Variants in PDPK1 observed in about 807,000 individuals in gnomAD.
PDPK1 encodes the protein 3-phosphoinositide dependent protein kinase 1.
Under a neutral mutation model 39.8 loss-of-function variants are expected in PDPK1, and 7 were observed. The ratio of observed to expected loss-of-function variants is 0.18; its 90% CI spans 0.10 to 0.33. The LOEUF is 0.33. Among genes scored for constraint, PDPK1 ranks in the 10% least tolerant of loss-of-function variants. The pLI is 1.00. For synonymous variants in PDPK1, 118 were observed against 159.1 expected, an observed-to-expected ratio of 0.74 and a Z score of 1.95; for missense variants, 182 against 384.7, an observed-to-expected ratio of 0.47 and a Z score of 4.41.
rs752547402 is a variant in PDPK1, at chr16:2,597,656, C to T, written c.1560C>T (p.Asn520=). Residue 520 remains asparagine (N), a synonymous_variant, in exon 14 of 14, where the codon AAC becomes AAT. Transcript: ENST00000342085. The surrounding 1 kb of genome is among the most constrained non-coding windows in gnomAD (Gnocchi z 6.3). The stretch of plus-strand genomic sequence containing the variant: ...AACGGCTTCTGTCTTCGCAGCCTAA[C>T]AGGACGTATTATCTGATGGACCCCA... The part of the protein sequence containing the change: ...NFKTFFVHTP[N]RTYYLMDPSG... The T allele has an allele frequency of 6.2e-7, 1 of 1,610,866 alleles. No individual in the cohort carries two copies. The highest frequency in any genetic ancestry group is 8.5e-7 in the Non-Finnish European group (1 of 1,177,150).
Position 2,599,116 on chromosome 16 carries a change from T to A in PDPK1, c.*1349T>A, listed in dbSNP as rs984736269. On this transcript the variant is annotated 3_prime_UTR_variant, in exon 14 of 14. Coordinates refer to ENST00000342085, the MANE Select transcript of PDPK1 (RefSeq NM_002613.5). ...AGCACAGACAGGCCAGATGCATTTG[T>A]CCTTTGCCTAGCTACTCCCCAGGTA... is the stretch of plus-strand genomic sequence containing the variant. 2 of 233,328 alleles carry A rather than the reference T, an allele frequency of 8.6e-6. No homozygotes were observed. The highest frequency in any genetic ancestry group is 4.4e-5 in the African/African-American group (2 of 45,360). 14.5% of individuals were successfully genotyped at this position (233,328 alleles called of 1,614,324 possible).
intron 11 of PDPK1, among the ~76,000 whole-genome samples, chr16:2,590,576 G>A (rs369211698): frequency 2.0e-5 from 3 of 152,344 alleles, no homozygotes; most frequent in Middle Eastern, 3.4e-3. Context: ...CTCGCGGAGC[G>A]TCTGGCTGAC....
rs1597016369 is a variant in PDPK1, at chr16:2,543,540, G to C, written c.24+5404G>C. Among the ~76,000 whole-genome samples the C allele has an allele frequency of 2.2e-5, 3 of 139,264 alleles. No individual in the cohort carries two copies. The South Asian group carries it at 7.6e-4, about 35-fold the overall frequency. The allele number at this position is 139,264 out of a possible 152,430, so 91.4% of individuals were successfully genotyped here. ...CTCTGTGAGGGGCCCAGGCTCGGAT[G>C]CCCGGCCACGGCCTCTCTTTCCAGC... On this transcript the variant is annotated intron_variant, in intron 1 of 13. Transcript: ENST00000342085.
chr16:2,590,048 C>T (rs2066956457), intron 11 of PDPK1, among the ~76,000 whole-genome samples: 1 of 152,204 alleles, frequency 6.6e-6, no homozygotes, highest in African/African-American at 2.4e-5. Flanking sequence ...TGTGCTTTTG[C>T]CTCACAGTGG....
chr16:2,538,344 C>A, intron 1 of PDPK1: 1 of 395,614 alleles, frequency 2.5e-6, no homozygotes, highest in Non-Finnish European at 4.6e-6. Flanking sequence ...TTGCGGCGGG[C>A]GGCGGCCTGG....
Position 2,600,102 on chromosome 16 carries a change from G to A in PDPK1, c.*2335G>A, listed in dbSNP as rs1207613358. 4.3e-6 allele frequency: 1 copy of A among 233,122 alleles called. No individual in the cohort carries two copies. The highest frequency in any genetic ancestry group is 8.5e-6 in the Non-Finnish European group (1 of 118,082). The allele number at this position is 233,122 out of a possible 1,614,324, so 14.4% of individuals were successfully genotyped here. A position where few individuals can be genotyped will look rare whatever the true frequency, so the allele number is the denominator to read the frequency against. On this transcript the variant is annotated 3_prime_UTR_variant, in exon 14 of 14. Transcript: ENST00000342085. ...CCCGTGTGTTTTCTTTCCTTACCCT[G>A]TGCTTGCTCATGTCTACTCCGGTTT...
chr16:2,586,056 C>T (rs1227286182), intron 10 of PDPK1, among the ~76,000 whole-genome samples: 2 of 152,274 alleles, frequency 1.3e-5, no homozygotes, highest in Non-Finnish European at 2.9e-5. Flanking sequence ...CCGCTTGGCA[C>T]GTTTATGAGT....
At chr16:2,543,944 A>G (rs550987120) in intron 1 of PDPK1, among the ~76,000 whole-genome samples, 1 of 139,986 alleles carries the variant, frequency 7.1e-6, no homozygotes, top group East Asian at 2.1e-4. Context: ...CATGTTGGCC[A>G]GGCTGGTCTC....
intron 1 of PDPK1, among the ~76,000 whole-genome samples, chr16:2,550,350 C>T (rs1161387975): frequency 2.1e-5 from 2 of 93,502 alleles, no homozygotes; most frequent in Non-Finnish European, 4.1e-5. Context: ...ACGTGCCCAC[C>T]ACCCTACTTG....
At chr16:2,540,251 G>T (rs1456705586) in intron 1 of PDPK1, among the ~76,000 whole-genome samples, 3 of 152,024 alleles carry the variant, frequency 2.0e-5, no homozygotes. Flanking sequence ...CAGCCAACAG[G>T]GGGAGCAGTG....
At chr16:2,596,502 C>T (rs889074324) in intron 12 of PDPK1, among the ~76,000 whole-genome samples, 1 of 152,168 alleles carries the variant, frequency 6.6e-6, no homozygotes, top group African/African-American at 2.4e-5. Flanking sequence ...CCGGGTTGTT[C>T]TTTATTTTAT....
rs773125562 is a variant in PDPK1 at position 2,586,912 on chromosome 16, A to G, written c.1343+19A>G. Reference sequence around the variant, plus strand: ...ACCCTTGGTAAGAACTTATGGACATAAGCAATGCTTTTTGCAGAATTGCAG... The same window carrying G: ...ACCCTTGGTAAGAACTTATGGACATGAGCAATGCTTTTTGCAGAATTGCAG... On this transcript the variant is annotated intron_variant, in intron 11 of 13. Transcript: ENST00000342085. 5.6e-6 allele frequency: 9 copies of G among 1,608,384 alleles called. No individual in the cohort carries two copies. The highest frequency in any genetic ancestry group is 1.7e-4 in the Middle Eastern group (1 of 6,052).
rs1228990098 is a variant in PDPK1 at position 2,593,436 on chromosome 16, A to G, written c.1344-2357A>G. ...GTTTCGTCCTCTTTCCGTGGCTCCC[A>G]CAGCTCAGTGCTGGGCTGCTGTTCT... On this transcript the variant is annotated intron_variant, in intron 11 of 13. Transcript: ENST00000342085. The surrounding 1 kb of genome is among the most constrained non-coding windows in gnomAD (Gnocchi z 4.2). 1 of 318,486 alleles carries G rather than the reference A, an allele frequency of 3.1e-6. No individual in the cohort carries two copies. Among genetic ancestry groups the G allele is most frequent in the Non-Finnish European group, 6.0e-6 (1 of 165,528 alleles). The allele number at this position is 318,486 out of a possible 1,614,324, so 19.7% of individuals were successfully genotyped here.
At chr16:2,594,690 G>T (rs1414418028) in intron 11 of PDPK1, 1 of 151,804 alleles carries the variant, frequency 6.6e-6, no homozygotes, top group African/African-American at 2.4e-5. Flanking sequence ...CATTAAAATA[G>T]TATCTTGGGG....
intron 1 of PDPK1, among the ~76,000 whole-genome samples, chr16:2,544,209 G>A (rs1946683118): frequency 6.6e-6 from 1 of 152,184 alleles, no homozygotes; most frequent in African/African-American, 2.4e-5. Flanking sequence ...CTGATAGGTG[G>A]TTACAAAGTG....
At chr16:2,591,138 T>C (rs28507980) in intron 11 of PDPK1, among the ~76,000 whole-genome samples, 2,986 of 152,076 alleles carry the variant, frequency 0.02, 99 homozygotes, top group African/African-American at 0.068. Context: ...GAGTTTTGTG[T>C]TTATAGTAGA....
chr16:2,592,298 GT>G (rs1021066663), intron 11 of PDPK1, among the ~76,000 whole-genome samples: 1 of 152,220 alleles, frequency 6.6e-6, no homozygotes, highest in Non-Finnish European at 1.5e-5. Context: ...GGTGTCGCCT[GT>G]TTTGAGGGAG....
rs1166504051 is a variant in PDPK1, at chr16:2,597,579, C to T, written c.1555-72C>T. The T allele has an allele frequency of 1.8e-6, 2 of 1,083,690 alleles. No homozygotes were observed. Among genetic ancestry groups the T allele is most frequent in the African/African-American group, 3.1e-5 (2 of 64,702 alleles). The allele number at this position is 1,083,690 out of a possible 1,614,324, so 67.1% of individuals were successfully genotyped here. On this transcript the variant is annotated intron_variant, in intron 13 of 13. Coordinates refer to ENST00000342085, the MANE Select transcript of PDPK1 (RefSeq NM_002613.5). This position sits in a 1 kb window ranked among gnomAD's most constrained non-coding sequence, Gnocchi z 6.3. Reference sequence around the variant, plus strand: ...AGGACTCGGAATGGCTGGTCGCAGGCAGCTCACCAGGTTGGGGTGGGGGTT... The same window carrying T: ...AGGACTCGGAATGGCTGGTCGCAGGTAGCTCACCAGGTTGGGGTGGGGGTT...
In PDPK1 at chr16:2,603,147, C is replaced by G. The variant is rs1252988981; in HGVS notation, c.*5380C>G. ...TAGTTACCAGATGATGAATTTTCCT[C>G]GTATGGTCAGTAGTCTTGTAATAAA... On this transcript the variant is annotated 3_prime_UTR_variant, in exon 14 of 14. Transcript: ENST00000342085. 4.5e-6 allele frequency: 1 copy of G among 221,538 alleles called. No individual in the cohort carries two copies. The highest frequency in any genetic ancestry group is 9.0e-6 in the Non-Finnish European group (1 of 110,986). 13.7% of individuals were successfully genotyped at this position (221,538 alleles called of 1,614,324 possible). A position where few individuals can be genotyped will look rare whatever the true frequency, so the allele number is the denominator to read the frequency against.
Sources: gnomAD v4.1 joint callset for allele counts (sites outside exome capture counted in the v4.1 genomes callset) on GRCh38, gnomAD v4.1.1 for gene constraint, Gnocchi (gnomAD v3.1) non-coding constraint, MANE v1.5 for transcripts, NCBI Gene and HGNC (gene_info 2026-07-23, HGNC 2026-07-21) for gene names.